Variants in PLXNA1 observed in about 807,000 individuals in gnomAD.
PLXNA1 encodes the protein plexin A1.
Under a neutral mutation model 191.7 loss-of-function variants are expected in PLXNA1, and 77 were observed. The observed-to-expected ratio is 0.40, with a 90% CI of 0.33 to 0.49. The LOEUF (loss-of-function observed/expected upper bound fraction) is 0.49, where lower values mean the gene tolerates loss of function less well. Among genes scored for constraint, PLXNA1 ranks in the 20% least tolerant of loss-of-function variants. The pLI, the probability that PLXNA1 is intolerant of heterozygous loss-of-function variation, is 0.63. For synonymous variants in PLXNA1, 1,137 were observed against 1,156.4 expected, an observed-to-expected ratio of 0.98 and a Z score of 0.34; for missense variants, 2,110 against 2,660.2, an observed-to-expected ratio of 0.79 and a Z score of 4.55.
chr3:127,003,213 C>A, intron 3 of PLXNA1, 117 bp from the exon 4 acceptor site: 1 of 1,186,506 alleles, frequency 8.4e-7, no homozygotes, highest in African/African-American at 1.5e-5. Flanking sequence ...GTCCTCTCTG[C>A]TCATGCATGT....
chr3:126,992,419 C>T (rs1024269737), intron 3 of PLXNA1, among the ~76,000 whole-genome samples: 4 of 152,088 alleles, frequency 2.6e-5, no homozygotes, highest in African/African-American at 9.7e-5. Flanking sequence ...TGTGTGCCCG[C>T]GAGTGGGGCT....
At position 127,020,204 on chromosome 3, in the gene PLXNA1, T is replaced by C. The variant is rs1215492451; in HGVS notation, c.3898T>C (p.Phe1300Leu). The C allele has an allele frequency of 6.2e-7, 1 of 1,612,770 alleles. No individual in the cohort carries two copies. The highest frequency in any genetic ancestry group is 1.7e-5 in the Admixed American group (1 of 60,008). ...CCTGACGCCGCATCTGGCCACAGCC[T>C]TTGCAGAGCTGCAGACAGACATCCA... ...SRVALECKEA[F>L]AELQTDIHEL... The change falls in exon 21 of 32, where the codon TTT becomes CTT. Residue 1300 changes from phenylalanine (F) to leucine (L), a missense_variant and splice_region_variant. Transcript: ENST00000393409.
chr3:127,016,496 G>T, intron 15 of PLXNA1, 21 bp from the exon 16 acceptor site: 1 of 1,612,580 alleles, frequency 6.2e-7, no homozygotes, highest in East Asian at 2.2e-5. Flanking sequence ...GCTCCTCACT[G>T]TCCCACTCGG....
Position 126,989,469 on chromosome 3 carries a change from C to G in PLXNA1, c.876C>G (p.Phe292Leu). The G allele has an allele frequency of 6.2e-7, 1 of 1,613,726 alleles. No individual in the cohort carries two copies. The highest frequency in any genetic ancestry group is 8.5e-7 in the Non-Finnish European group (1 of 1,180,040). ...IVRLCVDDPK[F>L]YSYVEFPIGC... ...GGCTCTGTGTGGACGACCCCAAATT[C>G]TACTCGTACGTTGAGTTCCCCATTG... Residue 292 changes from phenylalanine (F) to leucine (L), a missense_variant, in exon 2 of 32, where the codon TTC becomes TTG. Physicochemically the swap from Phe to Leu is conservative, Grantham distance 22. Coordinates refer to ENST00000393409, the MANE Select transcript of PLXNA1 (RefSeq NM_032242.4).
chr3:127,003,502 GA>G, intron 4 of PLXNA1, 32 bp downstream of exon 4: 1 of 1,562,050 alleles, frequency 6.4e-7, no homozygotes, highest in Non-Finnish European at 8.7e-7. Flanking sequence ...CGGTGTGGCT[GA>G]AGGTGGGGGC....
chr3:127,002,298 G>A (rs1341271055), intron 3 of PLXNA1, among the ~76,000 whole-genome samples: 1 of 152,222 alleles, frequency 6.6e-6, no homozygotes, highest in Non-Finnish European at 1.5e-5. Context: ...CGGATGTGGG[G>A]GGTGGCCGGC....
In PLXNA1 at chr3:126,989,068, T is replaced by A; in HGVS notation, c.475T>A (p.Tyr159Asn). 6.2e-7 allele frequency: 1 copy of A among 1,613,366 alleles called. No homozygotes were observed. Among genetic ancestry groups the A allele is most frequent in the Non-Finnish European group, 8.5e-7 (1 of 1,180,000 alleles). The stretch of plus-strand genomic sequence containing the variant: ...TGAGCCACACCACCGTAAGGAGCAC[T>A]ACCTGTCCAGCGTGCAGGAGGCAGG... ...LGEPHHRKEH[Y>N]LSSVQEAGSM... The change falls in exon 2 of 32, where the codon TAC becomes AAC. Residue 159 changes from tyrosine to asparagine, a missense_variant. Physicochemically the swap from Tyr to Asn is moderately radical, Grantham distance 143 (BLOSUM62 -2). Around this residue, in one of 4 missense-constraint regions of PLXNA1, gnomAD observed 903 missense variants for 1,015.7 expected, o/e 0.89. Transcript: ENST00000393409.
Position 127,035,433 on chromosome 3 carries a change from G to C in PLXNA1, c.*1416G>C, listed in dbSNP as rs902836828. 1 of 152,288 alleles carries C rather than the reference G, an allele frequency of 6.6e-6. No homozygotes were observed. Among genetic ancestry groups the C allele is most frequent in the Admixed American group, 6.5e-5 (1 of 15,274 alleles). 9.4% of individuals were successfully genotyped at this position (152,288 alleles called of 1,614,324 possible). A position where few individuals can be genotyped will look rare whatever the true frequency, so the allele number is the denominator to read the frequency against. On this transcript the variant is annotated 3_prime_UTR_variant, in exon 32 of 32. Coordinates refer to ENST00000393409, the MANE Select transcript of PLXNA1 (RefSeq NM_032242.4). Reference sequence around the variant, plus strand: ...CTGAAGCCTGTGCCCCCCGACCTGCGGGCCGCTGTTTTGGTTTGACATGAC... The same window carrying C: ...CTGAAGCCTGTGCCCCCCGACCTGCCGGCCGCTGTTTTGGTTTGACATGAC...
intron 26 of PLXNA1, 26 bp downstream of exon 26, chr3:127,029,122 C>A: frequency 6.4e-7 from 1 of 1,563,758 alleles, no homozygotes; most frequent in Non-Finnish European, 8.8e-7. Context: ...CCGACCCTAG[C>A]ACAGGCCTCC....
chr3:127,014,715 G>A lies in PLXNA1; in HGVS notation c.2761G>A (p.Val921Ile), dbSNP rs143472967. The A allele has an allele frequency of 1.1e-5, 17 of 1,611,502 alleles. No homozygotes were observed. Among genetic ancestry groups the A allele is most frequent in the East Asian group, 4.5e-5 (2 of 44,844 alleles). ...CTGAGGCCCGCCTGCCCACAGGATC[G>A]TCTGTGAGATCGGGGACGCCAGCTC... ...ESEYISAEQI[V>I]CEIGDASSVR... The change falls in exon 14 of 32, where the codon GTC becomes ATC. Residue 921 changes from valine (V) to isoleucine (I), a missense_variant. Val to Ile is a conservative substitution (Grantham distance 29). Coordinates refer to ENST00000393409, the MANE Select transcript of PLXNA1 (RefSeq NM_032242.4).
chr3:127,015,762 G>T (rs577152715), intron 15 of PLXNA1, among the ~76,000 whole-genome samples: 1 of 152,192 alleles, frequency 6.6e-6, no homozygotes, highest in Non-Finnish European at 1.5e-5. Flanking sequence ...ATTGGTGTCT[G>T]CAGCTGAGGG....
chr3:127,033,794 CAAGGTCCTTTGGCCAGGGGTAG>C (rs1419369286), intron 31 of PLXNA1, 106 bp from the exon 32 acceptor site: 8 of 737,382 alleles, frequency 1.1e-5, no homozygotes, highest in Non-Finnish European at 1.8e-5. Context: ...GGCTCACAAC[CAAGGTCCTTTGGCCAGGGGTAG>C]ATGGGGTTGA....
chr3:127,024,435 G>A (rs1317665017), intron 23 of PLXNA1, among the ~76,000 whole-genome samples: 1 of 152,222 alleles, frequency 6.6e-6, no homozygotes. Context: ...TGAGGGATGT[G>A]TGGGCAGTGG....
rs747240231 is a variant in PLXNA1, at chr3:126,989,550, G to T, written c.957G>T (p.Arg319=). Reference sequence around the variant, plus strand: ...TGGTGCAGGATGCCTACCTGAGCCGGCCCGGCCGTGCCCTGGCCCACCAGC... The same window carrying T: ...TGGTGCAGGATGCCTACCTGAGCCGTCCCGGCCGTGCCCTGGCCCACCAGC... The part of the protein sequence containing the change: ...YRLVQDAYLS[R]PGRALAHQLG... Residue 319 remains arginine, a synonymous_variant, in exon 2 of 32, where the codon CGG becomes CGT. Transcript: ENST00000393409. 1.2e-6 allele frequency: 2 copies of T among 1,613,066 alleles called. No individual in the cohort carries two copies. Among genetic ancestry groups the T allele is most frequent in the Non-Finnish European group, 1.7e-6 (2 of 1,180,046 alleles).
At chr3:127,026,791 G>A (rs1576690006) in intron 23 of PLXNA1, 1 of 152,244 alleles carries the variant, frequency 6.6e-6, no homozygotes. Context: ...CCATTGAGGT[G>A]TACACACACC....
intron 3 of PLXNA1, among the ~76,000 whole-genome samples, chr3:126,991,873 T>G (rs2078992529): frequency 6.6e-6 from 1 of 151,956 alleles, no homozygotes; most frequent in South Asian, 2.1e-4. Flanking sequence ...CTTGACCTCC[T>G]GGGGAGGCTG....
In PLXNA1 at chr3:126,988,630, C is replaced by T; in HGVS notation, c.37C>T (p.Leu13=). The T allele has an allele frequency of 6.4e-7, 1 of 1,573,420 alleles. No homozygotes were observed. Among genetic ancestry groups the T allele is most frequent in the East Asian group, 2.3e-5 (1 of 44,428 alleles). The change falls in exon 2 of 32, where the codon CTG becomes TTG. Residue 13 remains leucine (L), a synonymous_variant. Transcript: ENST00000393409. The part of the protein sequence containing the change: ...LPPRSLQVLL[L]LLLLLLLLPG... The stretch of plus-strand genomic sequence containing the variant: ...ACCGCGGAGCCTGCAGGTGCTCCTG[C>T]TGCTGCTGCTGTTGCTGCTGCTGCT...
chr3:126,998,232 C>T (rs1177507508), intron 3 of PLXNA1, among the ~76,000 whole-genome samples: 1 of 152,170 alleles, frequency 6.6e-6, no homozygotes, highest in Non-Finnish European at 1.5e-5. Context: ...GTCACTTCAC[C>T]AGAGAAGGTG....
At chr3:126,984,366 C>G (rs985608909) in intron 1 of PLXNA1, among the ~76,000 whole-genome samples, 7 of 152,244 alleles carry the variant, frequency 4.6e-5, no homozygotes, top group South Asian at 2.1e-4. Context: ...CAGGCTGCTC[C>G]GTGCTGCCCC....
Sources: gnomAD v4.1 joint callset for allele counts (sites outside exome capture counted in the v4.1 genomes callset) on GRCh38, gnomAD v4.1.1 for gene constraint, gnomAD v4.1.1 regional missense constraint, MANE v1.5 for transcripts, NCBI Gene and HGNC (gene_info 2026-07-23, HGNC 2026-07-21) for gene names.